NNT: variants seen among roughly 807,000 people sequenced by gnomAD.
NNT encodes nicotinamide nucleotide transhydrogenase, also known as NAD(P) transhydrogenase, mitochondrial.
A neutral mutation model predicts 104.8 loss-of-function variants in NNT; 50 were observed. That is an observed-to-expected ratio of 0.48 (90% CI 0.38 to 0.60). NNT has a LOEUF of 0.60. Among genes scored for constraint, NNT ranks in the 20% least tolerant of loss-of-function variants. NNT has a pLI of 0.00. For synonymous variants in NNT, 461 were observed against 490.4 expected, an observed-to-expected ratio of 0.94 and a Z score of 0.79; for missense variants, 1,131 against 1,330.7, an observed-to-expected ratio of 0.85 and a Z score of 2.33.
At chr5:43,660,262 C>T (rs527495265) in intron 17 of NNT, among the ~76,000 whole-genome samples, 9 of 152,122 alleles carry the variant, frequency 5.9e-5, no homozygotes, top group Non-Finnish European at 1.2e-4. Flanking sequence ...TCCTGTTGGT[C>T]ATCTGTGAGA....
chr5:43,638,589 G>T (rs1751057473), intron 7 of NNT, among the ~76,000 whole-genome samples: 1 of 151,332 alleles, frequency 6.6e-6, no homozygotes, highest in South Asian at 2.1e-4. Flanking sequence ...TGGATTAATA[G>T]ATTCTATAAT....
intron 17 of NNT, among the ~76,000 whole-genome samples, chr5:43,670,239 G>C (rs1035747413): frequency 5.9e-5 from 9 of 152,052 alleles, no homozygotes; most frequent in Non-Finnish European, 1.3e-4. Flanking sequence ...CCAGCTCCTG[G>C]ATTCATTGAT....
Position 43,615,873 on chromosome 5 carries a change from C to T in NNT, c.407C>T (p.Thr136Ile), listed in dbSNP as rs553460739. 1.9e-6 allele frequency: 3 copies of T among 1,614,034 alleles called. No individual in the cohort carries two copies. Among genetic ancestry groups the T allele is most frequent in the African/African-American group, 2.7e-5 (2 of 75,030 alleles). Residue 136 changes from threonine to isoleucine, a missense_variant, in exon 4 of 22, where the codon ACA (threonine) becomes ATA (isoleucine). Thr to Ile is a moderately conservative substitution (Grantham distance 89). Transcript: ENST00000344920. ...VKVRAPMVNP[T>I]LGVHEADLLK... ...GTGCGAGCCCCTATGGTTAATCCAA[C>T]ATTAGGTGTTCATGAAGCTGACCTT... is the stretch of plus-strand genomic sequence containing the variant.
chr5:43,667,210 G>T lies in NNT; in HGVS notation c.2634+7860G>T. ...CCATTTTCGGGACTGGTTGTGTGTA[G>T]TGTGGTTCTTGGACTTGGCCATGTC... On this transcript the variant is annotated intron_variant, in intron 17 of 21. Transcript: ENST00000344920. The T allele has an allele frequency of 7.6e-6, 10 of 1,310,790 alleles. No individual in the cohort carries two copies. The South Asian group carries it at 1.1e-4, about 14-fold the overall frequency. 81.2% of individuals were successfully genotyped at this position (1,310,790 alleles called of 1,614,324 possible).
chr5:43,691,378 A>G (rs1397954423), intron 19 of NNT, among the ~76,000 whole-genome samples: 3 of 152,202 alleles, frequency 2.0e-5, no homozygotes, highest in Admixed American at 2.0e-4. Context: ...TGCTCGGATT[A>G]CAGGTGTGAG....
At chr5:43,702,252 T>A (rs1160239274) in intron 20 of NNT, among the ~76,000 whole-genome samples, 1 of 152,196 alleles carries the variant, frequency 6.6e-6, no homozygotes, top group Non-Finnish European at 1.5e-5. Context: ...GTTTAAGTGG[T>A]CATTTTAAAG....
chr5:43,612,878 T>C (rs774445976), intron 2 of NNT, 30 bp from the exon 3 acceptor site: 119 of 1,404,280 alleles, frequency 8.5e-5, no homozygotes, highest in Middle Eastern at 3.6e-4. Flanking sequence ...TTACCAAATA[T>C]ATATTTTTTT....
At chr5:43,646,942 A>G (rs143597274) in intron 10 of NNT, among the ~76,000 whole-genome samples, 19 of 152,344 alleles carry the variant, frequency 1.2e-4, no homozygotes, top group Non-Finnish European at 2.2e-4. Flanking sequence ...CATTCTGGCT[A>G]TGCATTGTTG....
At chr5:43,611,381 T>G (rs1749492830) in intron 2 of NNT, among the ~76,000 whole-genome samples, 1 of 152,218 alleles carries the variant, frequency 6.6e-6, no homozygotes, top group South Asian at 2.1e-4. Flanking sequence ...CCTTTCAAAT[T>G]GGCTTCTAAA....
At chr5:43,697,257 G>A (rs1466252117) in intron 19 of NNT, among the ~76,000 whole-genome samples, 1 of 152,092 alleles carries the variant, frequency 6.6e-6, no homozygotes, top group Non-Finnish European at 1.5e-5. Context: ...ACACCTCTAG[G>A]GTGGGGTAAA....
At chr5:43,668,618 T>C (rs1159974355) in intron 17 of NNT, among the ~76,000 whole-genome samples, 2 of 152,238 alleles carry the variant, frequency 1.3e-5, no homozygotes, top group African/African-American at 4.8e-5. Context: ...CTGAGGGCTC[T>C]GTTCTGTTCC....
chr5:43,627,241 C>A (rs1293573641), intron 6 of NNT, among the ~76,000 whole-genome samples: 1 of 152,192 alleles, frequency 6.6e-6, no homozygotes, highest in Non-Finnish European at 1.5e-5. Flanking sequence ...AGAGGGAGAA[C>A]CTCTTGCTCA....
chr5:43,677,457 A>G (rs1250936642), intron 18 of NNT, among the ~76,000 whole-genome samples: 5 of 151,824 alleles, frequency 3.3e-5, no homozygotes, highest in African/African-American at 1.2e-4. Flanking sequence ...AAGAGAGGGA[A>G]CACCCAAGGG....
In NNT at chr5:43,650,510, G is replaced by A. The variant is rs145062450; in HGVS notation, c.1640G>A (p.Gly547Glu). 7 of 1,614,082 alleles carry A rather than the reference G, an allele frequency of 4.3e-6. No homozygotes were observed. In the East Asian group the frequency reaches 8.9e-5, roughly 21 times the overall value. ...GCAGTTGGTGGGTTGGCACTGATGG[G>A]AGGACATTTGTATCCTTCCACAACT... ...LTAVGGLALM[G>E]GHLYPSTTSQ... Residue 547 changes from glycine to glutamate, a missense_variant, in exon 12 of 22, where the codon GGA becomes GAA. Gly to Glu is a moderately conservative substitution (Grantham distance 98, BLOSUM62 -2). Coordinates refer to ENST00000344920, the MANE Select transcript of NNT (RefSeq NM_182977.3).
At chr5:43,703,085 C>G (rs1186543024) in intron 21 of NNT, among the ~76,000 whole-genome samples, 1 of 152,170 alleles carries the variant, frequency 6.6e-6, no homozygotes, top group Non-Finnish European at 1.5e-5. Context: ...AAGTATCAAT[C>G]GCCTTCATAT....
Position 43,704,465 on chromosome 5 carries a change from TA to T in NNT, c.*64del. On this transcript the variant is annotated 3_prime_UTR_variant, in exon 22 of 22. Transcript: ENST00000344920. ...CTCTGCAGTTTTGGGAACAGGCAAA[TA>T]AAGTATCAGTATACATGGTGATGTA... The T allele has an allele frequency of 6.4e-7, 1 of 1,561,452 alleles. No homozygotes were observed. The highest frequency in any genetic ancestry group is 8.8e-7 in the Non-Finnish European group (1 of 1,138,338).
Position 43,695,065 on chromosome 5 carries a change from G to A in NNT, c.2877-5054G>A, listed in dbSNP as rs773709398. 4.6e-5 allele frequency among the ~76,000 whole-genome samples: 7 copies of A among 152,080 alleles called. No individual in the cohort carries two copies. The East Asian group carries it at 1.2e-3, about 25-fold the overall frequency. On this transcript the variant is annotated intron_variant, in intron 19 of 21. Coordinates refer to ENST00000344920, the MANE Select transcript of NNT (RefSeq NM_182977.3). The stretch of plus-strand genomic sequence containing the variant: ...TCCAGGAATGTGTTCAATTCTTTTA[G>A]GTTTTCTAGTTTGTGTGTATAGAGG...
At chr5:43,606,187 T>C (rs569809579) in intron 1 of NNT, among the ~76,000 whole-genome samples, 4 of 152,282 alleles carry the variant, frequency 2.6e-5, no homozygotes, top group Non-Finnish European at 2.9e-5. Flanking sequence ...GTCTGGGAAC[T>C]CTTTGTCAGC....
intron 15 of NNT, among the ~76,000 whole-genome samples, chr5:43,656,304 T>C (rs1740042200): frequency 6.6e-6 from 1 of 152,020 alleles, no homozygotes; most frequent in South Asian, 2.1e-4. Context: ...ATATTACTAC[T>C]AATAAAAAAG....
Sources: allele counts gnomAD v4.1 joint callset (sites outside exome capture counted in the v4.1 genomes callset), GRCh38; gene constraint gnomAD v4.1.1; transcripts MANE v1.5; gene names NCBI Gene and HGNC (gene_info 2026-07-23, HGNC 2026-07-21).